C12orf42: variants seen among roughly 807,000 people sequenced by gnomAD.
C12orf42 encodes the protein uncharacterized protein C12orf42.
C12orf42 carries 25 observed loss-of-function variants against 21.6 expected under a neutral mutation model. The ratio of observed to expected loss-of-function variants is 1.16; its 90% confidence interval spans 0.84 to 1.62. C12orf42 has a LOEUF of 1.62. Among genes scored for constraint, C12orf42 ranks in the 40% most tolerant of loss-of-function variants. C12orf42 has a pLI of 0.00. For missense variants in C12orf42, 483 were observed against 459.3 expected, an observed-to-expected ratio of 1.05 and a Z score of -0.47; for synonymous variants, 174 against 175.0, an observed-to-expected ratio of 0.99 and a Z score of 0.05.
intron 3 of C12orf42, among the ~76,000 whole-genome samples, chr12:103,370,626 G>GAAACAGAA (rs1360088526): frequency 1.3e-5 from 2 of 151,998 alleles, no homozygotes; most frequent in Non-Finnish European, 2.9e-5. Flanking sequence ...AACTAACACA[G>GAAACAGAA]AAACAGAAGC....
At chr12:103,499,499 G>A (rs1955665343), upstream of C12orf42, among the ~76,000 whole-genome samples, 1 of 152,204 alleles carries the variant, frequency 6.6e-6, no homozygotes, top group African/African-American at 2.4e-5. Flanking sequence ...GCCATGAACT[G>A]TGAGCAAAAC....
At chr12:103,252,120 C>A (rs1044967139) in intron 10 of C12orf42, among the ~76,000 whole-genome samples, 13 of 151,718 alleles carry the variant, frequency 8.6e-5, no homozygotes, top group East Asian at 1.9e-4. Flanking sequence ...TCTCTCCCCC[C>A]AAAAATTCTT....
At chr12:103,335,956 C>G (rs1052990281) in intron 4 of C12orf42, among the ~76,000 whole-genome samples, 13 of 152,214 alleles carry the variant, frequency 8.5e-5, no homozygotes, top group Non-Finnish European at 1.6e-4. Context: ...TATAAACGCC[C>G]TGAGGATACA....
At chr12:103,455,961 C>G (rs1565858666) in intron 2 of C12orf42, among the ~76,000 whole-genome samples, 1 of 152,036 alleles carries the variant, frequency 6.6e-6, no homozygotes, top group Non-Finnish European at 1.5e-5. Context: ...TGACACAGAA[C>G]TCTCACAGAA....
chr12:103,107,825 T>C, the C12orf42 span, among the ~76,000 whole-genome samples: 1 of 151,126 alleles, frequency 6.6e-6, no homozygotes, highest in African/African-American at 2.4e-5. Flanking sequence ...ATAAAATCAT[T>C]CTCTAGCTTG....
chr12:103,079,156 T>C, the C12orf42 span, among the ~76,000 whole-genome samples: 1 of 151,962 alleles, frequency 6.6e-6, no homozygotes, highest in African/African-American at 2.4e-5. Context: ...GTTTAAAAAT[T>C]ACATCATGTA....
chr12:103,296,271 C>T (rs2037277407), intron 4 of C12orf42, among the ~76,000 whole-genome samples: 1 of 151,990 alleles, frequency 6.6e-6, no homozygotes, highest in African/African-American at 2.4e-5. Flanking sequence ...CATTGATAGA[C>T]ATTTGGGTTG....
intron 10 of C12orf42, among the ~76,000 whole-genome samples, chr12:103,260,866 T>C (rs2034863532): frequency 6.6e-6 from 1 of 152,188 alleles, no homozygotes; most frequent in Admixed American, 6.5e-5. Context: ...GGGATATTTC[T>C]AAACTCTGAT....
intron 4 of C12orf42, among the ~76,000 whole-genome samples, chr12:103,294,421 G>GGAGA (rs1555245872): frequency 4.2e-5 from 3 of 71,764 alleles, no homozygotes; most frequent in African/African-American, 6.3e-5. Flanking sequence ...AAGAGAGAAA[G>GGAGA]GAGAGAGAGA....
At chr12:103,171,675 G>C in the C12orf42 span, among the ~76,000 whole-genome samples, 69,450 of 151,450 alleles carry the variant, frequency 0.46, 16,108 homozygotes, top group East Asian at 0.61. Context: ...TGGTATTGAA[G>C]TATGGGACTC....
At chr12:103,475,206 C>T (rs557178791) in intron 2 of C12orf42, among the ~76,000 whole-genome samples, 22 of 152,312 alleles carry the variant, frequency 1.4e-4, no homozygotes, top group African/African-American at 4.1e-4. Flanking sequence ...GCTTTTGCCG[C>T]GGCTTCCTCT....
At chr12:103,189,251 G>T in the C12orf42 span, among the ~76,000 whole-genome samples, 2 of 152,178 alleles carry the variant, frequency 1.3e-5, no homozygotes, top group African/African-American at 4.8e-5. Context: ...TTATTTTGAG[G>T]GTTCAGAGTG....
chr12:103,562,554 A>G, the C12orf42 span, among the ~76,000 whole-genome samples: 1 of 152,182 alleles, frequency 6.6e-6, no homozygotes, highest in Non-Finnish European at 1.5e-5. Context: ...AGAAATCCTT[A>G]CCTCAGCATG....
chr12:103,304,792 G>A (rs2038100704), intron 5 of C12orf42, among the ~76,000 whole-genome samples: 4 of 152,192 alleles, frequency 2.6e-5, no homozygotes, highest in Admixed American at 2.6e-4. Flanking sequence ...CCAGAAACAA[G>A]GGAATCTCTG....
chr12:103,481,716 T>G (rs189651885), intron 1 of C12orf42, among the ~76,000 whole-genome samples: 182 of 151,930 alleles, frequency 1.2e-3, no homozygotes, highest in Non-Finnish European at 2.2e-3. Flanking sequence ...CTGTTTATTG[T>G]GATAATGGAT....
At chr12:103,229,506 T>C in the C12orf42 span, among the ~76,000 whole-genome samples, 1 of 152,218 alleles carries the variant, frequency 6.6e-6, no homozygotes, top group Non-Finnish European at 1.5e-5. Context: ...TTTAAGCTGG[T>C]TTGTGTGTAC....
chr12:103,087,984 A>G, the C12orf42 span, among the ~76,000 whole-genome samples: 1 of 152,256 alleles, frequency 6.6e-6, no homozygotes, highest in Non-Finnish European at 1.5e-5. Context: ...ATCCTTGACC[A>G]GTTGGCCTTT....
In C12orf42 at chr12:103,403,292, C is replaced by T. The variant is rs541887196; in HGVS notation, c.79-1617G>A. Reference sequence around the variant, plus strand: ...TCCGGAGGCTGAGGCAGGGGAATGGCGTGAACCTGGGAGGCAGAGCTTGCA... The same window carrying T: ...TCCGGAGGCTGAGGCAGGGGAATGGTGTGAACCTGGGAGGCAGAGCTTGCA... On this transcript the variant is annotated intron_variant, in intron 2 of 5. Coordinates refer to ENST00000548883, the MANE Select transcript of C12orf42 (RefSeq NM_198521.5). Among the ~76,000 whole-genome samples, 37 of 151,336 alleles carry T rather than the reference C, an allele frequency of 2.4e-4. 1 individual carries two copies. The highest frequency in any genetic ancestry group is 8.7e-4 in the African/African-American group (36 of 41,224).
chr12:103,557,494 T>A, the C12orf42 span: 2 of 152,264 alleles, frequency 1.3e-5, no homozygotes, highest in African/African-American at 4.8e-5. Context: ...AGGTCTCCTC[T>A]GGTCACCAGA....
Sources: gnomAD v4.1 joint callset for allele counts (sites outside exome capture counted in the v4.1 genomes callset) on GRCh38, gnomAD v4.1.1 for gene constraint, MANE v1.5 for transcripts, NCBI Gene and HGNC (gene_info 2026-07-23, HGNC 2026-07-21) for gene names.